PIBF1: variants seen among roughly 807,000 people sequenced by gnomAD.
PIBF1 encodes progesterone immunomodulatory binding factor 1.
PIBF1 carries 90 observed loss-of-function variants against 112.5 expected under a neutral mutation model. That is an observed-to-expected ratio of 0.80 (90% CI 0.67 to 0.95). The LOEUF is 0.95. PIBF1 is among the 40% of genes least tolerant of loss of function. The pLI is 0.00. For synonymous variants in PIBF1, 301 were observed against 288.6 expected, an observed-to-expected ratio of 1.04 and a Z score of -0.44; for missense variants, 915 against 852.3, an observed-to-expected ratio of 1.07 and a Z score of -0.92.
rs150220285 is a variant in PIBF1, at chr13:72,947,074, C to T, written c.1833+15807C>T. ...CCCTAGCAGAGGTTCTCCATGAGGG[C>T]TCTGCCCCTGCAGCAAACTTCTGCC... is the stretch of plus-strand genomic sequence containing the variant. On this transcript the variant is annotated intron_variant, in intron 14 of 17. Coordinates refer to ENST00000326291, the MANE Select transcript of PIBF1 (RefSeq NM_006346.4). 1.9e-3 allele frequency among the ~76,000 whole-genome samples: 284 copies of T among 152,352 alleles called. 1 individual carries two copies. The highest frequency in any genetic ancestry group is 6.2e-3 in the African/African-American group (256 of 41,592).
chr13:72,881,851 T>C (rs1293451606), intron 10 of PIBF1, among the ~76,000 whole-genome samples: 3 of 152,068 alleles, frequency 2.0e-5, no homozygotes, highest in Admixed American at 6.6e-5. Flanking sequence ...GTTGTTAAAA[T>C]GTCCATACTT....
At chr13:72,790,421 TCACACACACACACACACA>T (rs57599910) in intron 2 of PIBF1, among the ~76,000 whole-genome samples, 42 of 135,642 alleles carry the variant, frequency 3.1e-4, no homozygotes, top group African/African-American at 1.1e-3. Context: ...GAGGAGTCCA[TCACACACACACACACACA>T]CACACACACA....
At chr13:72,882,002 G>A (rs1438862671) in intron 10 of PIBF1, among the ~76,000 whole-genome samples, 1 of 151,830 alleles carries the variant, frequency 6.6e-6, no homozygotes, top group African/African-American at 2.4e-5. Flanking sequence ...CGCAAAAAGA[G>A]CAAAACTGAG....
At chr13:72,865,620 T>A (rs1207680098) in intron 10 of PIBF1, among the ~76,000 whole-genome samples, 2 of 152,232 alleles carry the variant, frequency 1.3e-5, no homozygotes. Context: ...TGCTTCAAGA[T>A]GATTGCAAGC....
At chr13:72,798,848 A>G (rs2035325209) in intron 5 of PIBF1, among the ~76,000 whole-genome samples, 1 of 152,210 alleles carries the variant, frequency 6.6e-6, no homozygotes, top group Non-Finnish European at 1.5e-5. Context: ...CTTCATTACA[A>G]GTTAGCCTTG....
At chr13:72,955,219 G>T (rs2042409969) in intron 14 of PIBF1, among the ~76,000 whole-genome samples, 1 of 152,172 alleles carries the variant, frequency 6.6e-6, no homozygotes, top group Non-Finnish European at 1.5e-5. Flanking sequence ...GTAGCTCTGT[G>T]TCTAACCTTG....
At chr13:72,811,627 A>G (rs1442774620) in intron 5 of PIBF1, among the ~76,000 whole-genome samples, 1 of 151,726 alleles carries the variant, frequency 6.6e-6, no homozygotes. Flanking sequence ...AAATGTATAT[A>G]TTAATGCCAT....
At position 72,792,443 on chromosome 13, in the gene PIBF1, G is replaced by A. The variant is rs1004551823; in HGVS notation, c.253-4G>A. 13 of 1,490,622 alleles carry A rather than the reference G, an allele frequency of 8.7e-6. No individual in the cohort carries two copies. The highest frequency in any genetic ancestry group is 2.2e-5 in the Admixed American group (1 of 45,490). 92.3% of individuals were successfully genotyped at this position (1,490,622 alleles called of 1,614,324 possible). A position where few individuals can be genotyped will look rare whatever the true frequency, so the allele number is the denominator to read the frequency against. ...ATATAATTTATCTTTTTCTCTTTAC[G>A]AAGATTGAAGAATTGGAGGAGAAAC... On this transcript the variant is annotated splice_region_variant and splice_polypyrimidine_tract_variant and intron_variant, in intron 2 of 17. Transcript: ENST00000326291.
At chr13:72,894,958 A>G (rs898261094) in intron 11 of PIBF1, among the ~76,000 whole-genome samples, 1 of 151,456 alleles carries the variant, frequency 6.6e-6, no homozygotes, top group Non-Finnish European at 1.5e-5. Context: ...AACCTCGTCT[A>G]CTACTAAAAA....
chr13:72,995,092 G>C (rs2043606009), intron 16 of PIBF1, among the ~76,000 whole-genome samples: 1 of 151,928 alleles, frequency 6.6e-6, no homozygotes, highest in South Asian at 2.1e-4. Context: ...ATGAGGTCAG[G>C]AGTTCAAGAC....
chr13:72,902,161 A>G (rs532505420), intron 11 of PIBF1, among the ~76,000 whole-genome samples: 4 of 152,272 alleles, frequency 2.6e-5, no homozygotes, highest in South Asian at 2.1e-4. Context: ...CACATGTTCT[A>G]CTGATATGTG....
intron 14 of PIBF1, among the ~76,000 whole-genome samples, chr13:72,937,070 G>A (rs1200005579): frequency 1.3e-5 from 2 of 151,942 alleles, no homozygotes; most frequent in Admixed American, 6.6e-5. Flanking sequence ...TTAGCAAAGT[G>A]TATGTTTTTC....
At chr13:72,931,718 G>GTATATATACATATATATATA (rs2041704327) in intron 14 of PIBF1, among the ~76,000 whole-genome samples, 1 of 101,978 alleles carries the variant, frequency 9.8e-6, no homozygotes, top group Non-Finnish European at 2.0e-5. Context: ...TTTAAACTAC[G>GTATATATACATATATATATA]TATATATATA....
intron 10 of PIBF1, among the ~76,000 whole-genome samples, chr13:72,884,036 T>C (rs1307383003): frequency 6.6e-6 from 1 of 152,240 alleles, no homozygotes; most frequent in Admixed American, 6.5e-5. Context: ...ATACCTCATT[T>C]ACCCTGATGG....
intron 8 of PIBF1, among the ~76,000 whole-genome samples, chr13:72,833,779 G>T (rs2037228139): frequency 2.6e-5 from 4 of 152,174 alleles, no homozygotes; most frequent in Admixed American, 2.6e-4. Context: ...CAAACGCTGT[G>T]CTGGGAGACC....
rs7399775 is a variant in PIBF1 at position 72,916,397 on chromosome 13, A to T, written c.1640-679A>T. Among the ~76,000 whole-genome samples the T allele has an allele frequency of 6.5e-4, 90 of 138,174 alleles. 1 individual carries two copies. The highest frequency in any genetic ancestry group is 2.5e-3 in the African/African-American group (80 of 32,172). 90.6% of individuals were successfully genotyped at this position (138,174 alleles called of 152,430 possible). A position where few individuals can be genotyped will look rare whatever the true frequency, so the allele number is the denominator to read the frequency against. Reference sequence around the variant, plus strand: ...ACAAGAGCGAAACTCCATCTCAAAAAATATATATATATATATATTTTTTTA... The same window carrying T: ...ACAAGAGCGAAACTCCATCTCAAAATATATATATATATATATATTTTTTTA... On this transcript the variant is annotated intron_variant, in intron 12 of 17. Transcript: ENST00000326291.
intron 14 of PIBF1, among the ~76,000 whole-genome samples, chr13:72,933,678 G>A (rs1433193563): frequency 6.6e-6 from 1 of 151,944 alleles, no homozygotes; most frequent in Non-Finnish European, 1.5e-5. Flanking sequence ...TAAAAAGAAA[G>A]AATTTCTAAA....
intron 5 of PIBF1, among the ~76,000 whole-genome samples, chr13:72,802,979 T>A (rs191067408): frequency 2.5e-4 from 38 of 152,270 alleles, no homozygotes; most frequent in East Asian, 1.9e-3. Flanking sequence ...GATCAGCTGT[T>A]TCAAATGCTG....
chr13:72,916,081 T>G (rs1011117505), intron 12 of PIBF1, among the ~76,000 whole-genome samples: 35 of 151,260 alleles, frequency 2.3e-4, no homozygotes, highest in Non-Finnish European at 3.5e-4. Flanking sequence ...GTTTTGGGGG[T>G]TTTTTTTGAT....
Sources: allele counts gnomAD v4.1 joint callset (sites outside exome capture counted in the v4.1 genomes callset), GRCh38; gene constraint gnomAD v4.1.1; transcripts MANE v1.5; gene names NCBI Gene and HGNC (gene_info 2026-07-23, HGNC 2026-07-21).